Variants in COL25A1 observed in about 807,000 individuals in gnomAD.
COL25A1 encodes collagen alpha-1(XXV) chain.
COL25A1 carries 103 observed loss-of-function variants against 128.4 expected under a neutral mutation model. That is an observed-to-expected ratio of 0.80 (90% CI 0.68 to 0.94). The LOEUF (loss-of-function observed/expected upper bound fraction) is 0.94, where lower values mean the gene tolerates loss of function less well. COL25A1 is among the 40% of genes least tolerant of loss of function. The probability of loss-of-function intolerance (pLI) is 0.00; values close to 1 mark genes in which losing one functional copy is unlikely to be tolerated. For synonymous variants in COL25A1, 279 were observed against 277.2 expected (o/e 1.01, Z -0.06); for missense variants, 745 against 840.0 (o/e 0.89, Z 1.40).
intron 19 of COL25A1, among the ~76,000 whole-genome samples, chr4:108,881,081 G>C (rs1160192957): frequency 2.0e-5 from 3 of 152,144 alleles, no homozygotes; most frequent in Non-Finnish European, 4.4e-5. Flanking sequence ...GCACGAAATA[G>C]GAATTCCAAA....
chr4:109,000,917 C>G (rs1008472744), intron 6 of COL25A1, among the ~76,000 whole-genome samples: 1 of 151,460 alleles, frequency 6.6e-6, no homozygotes, highest in Non-Finnish European at 1.5e-5. Flanking sequence ...CTGAGTGTGT[C>G]TAAGGATTCG....
chr4:108,899,015 C>CTATA, intron 15 of COL25A1, 139 bp downstream of exon 15: 1 of 641,302 alleles, frequency 1.6e-6, no homozygotes, highest in African/African-American at 1.8e-5. Context: ...ATCTATATAC[C>CTATA]TACCTACCTA....
intron 5 of COL25A1, among the ~76,000 whole-genome samples, chr4:109,032,938 C>T (rs1267174598): frequency 6.6e-6 from 1 of 152,038 alleles, no homozygotes; most frequent in Non-Finnish European, 1.5e-5. Flanking sequence ...GACTAGCCAT[C>T]CCTGAAATTG....
chr4:108,911,936 T>C (rs1744277976), intron 13 of COL25A1, among the ~76,000 whole-genome samples: 1 of 151,810 alleles, frequency 6.6e-6, no homozygotes, highest in Non-Finnish European at 1.5e-5. Context: ...CAATAATAAC[T>C]GGTATCAAAC....
At chr4:109,210,715 G>A (rs1578447870) in intron 3 of COL25A1, among the ~76,000 whole-genome samples, 2 of 151,982 alleles carry the variant, frequency 1.3e-5, no homozygotes, top group South Asian at 2.1e-4. Context: ...AGTCTCCTGC[G>A]ATAATTAAGT....
At chr4:109,023,883 C>T (rs1278743844) in intron 5 of COL25A1, among the ~76,000 whole-genome samples, 1 of 152,162 alleles carries the variant, frequency 6.6e-6, no homozygotes, top group Non-Finnish European at 1.5e-5. Context: ...TCGCTATTCT[C>T]AAGCCTCTCA....
chr4:108,974,244 AT>A, intron 8 of COL25A1, 122 bp downstream of exon 8: 1 of 951,466 alleles, frequency 1.1e-6, no homozygotes. Context: ...GTGGTATGGT[AT>A]TTTTGCCAGC....
chr4:108,830,865 C>T (rs1733012567), intron 32 of COL25A1, among the ~76,000 whole-genome samples: 2 of 152,256 alleles, frequency 1.3e-5, no homozygotes, highest in Non-Finnish European at 2.9e-5. Flanking sequence ...TCATACAATG[C>T]TTGAAAGCCA....
intron 35 of COL25A1, chr4:108,823,885 C>T: frequency 3.0e-6 from 4 of 1,350,496 alleles, no homozygotes; most frequent in Admixed American, 3.7e-5. Flanking sequence ...ATTTTTTTTT[C>T]AAAAATCCTT....
At chr4:108,886,492 G>GTGTTTTTTTTTTTT (rs58157157) in intron 18 of COL25A1, among the ~76,000 whole-genome samples, 2 of 109,248 alleles carry the variant, frequency 1.8e-5, no homozygotes, top group African/African-American at 8.0e-5. Context: ...GTGTGTGTGT[G>GTGTTTTTTTTTTTT]TTTAGCTCAT....
chr4:109,286,763 G>GA (rs1723930616), intron 3 of COL25A1, among the ~76,000 whole-genome samples: 1 of 152,168 alleles, frequency 6.6e-6, no homozygotes, highest in Non-Finnish European at 1.5e-5. Context: ...TGGGAAGGTT[G>GA]AAAATCTATA....
At chr4:108,834,793 G>T (rs990022351) in intron 31 of COL25A1, among the ~76,000 whole-genome samples, 11 of 152,086 alleles carry the variant, frequency 7.2e-5, no homozygotes, top group Admixed American at 3.3e-4. Flanking sequence ...TCCTAAAAAA[G>T]CGCTCATTAT....
chr4:109,109,424 G>A lies in COL25A1; in HGVS notation c.368-59245C>T, dbSNP rs577926156. Among the ~76,000 whole-genome samples, 8 of 152,184 alleles carry A rather than the reference G, an allele frequency of 5.3e-5. 1 individual carries two copies. The South Asian group carries it at 1.7e-3, about 32-fold the overall frequency. On this transcript the variant is annotated intron_variant, in intron 3 of 37. Transcript: ENST00000399132. ...ATCTTTGTATTTTTAGTACAGATGG[G>A]TTTTTGCCATGTTGGCCAGGTTGGT...
At position 108,903,641 on chromosome 4, in the gene COL25A1, T is replaced by A. The variant is rs571372623; in HGVS notation, c.781-2469A>T. On this transcript the variant is annotated intron_variant, in intron 13 of 37. Transcript: ENST00000399132. The stretch of plus-strand genomic sequence containing the variant: ...TGTTTTATTAGTCAATGGAAACATT[T>A]TATGGCACTAACTGCATATTTCTAA... 3.9e-5 allele frequency among the ~76,000 whole-genome samples: 6 copies of A among 152,210 alleles called. No individual in the cohort carries two copies. The East Asian group carries it at 7.7e-4, about 20-fold the overall frequency.
At chr4:108,911,145 G>A (rs930956189) in intron 13 of COL25A1, among the ~76,000 whole-genome samples, 1 of 152,080 alleles carries the variant, frequency 6.6e-6, no homozygotes, top group African/African-American at 2.4e-5. Context: ...ATATCTTACT[G>A]GTCAGAAATT....
At chr4:109,104,161 C>T (rs918341865) in intron 3 of COL25A1, among the ~76,000 whole-genome samples, 4 of 151,934 alleles carry the variant, frequency 2.6e-5, no homozygotes, top group Non-Finnish European at 5.9e-5. Context: ...TCACTTGAGG[C>T]CAGGAGTCTG....
intron 5 of COL25A1, among the ~76,000 whole-genome samples, chr4:109,041,860 C>T (rs1759931321): frequency 6.6e-6 from 1 of 152,074 alleles, no homozygotes; most frequent in South Asian, 2.1e-4. Flanking sequence ...GTCTGGGCTC[C>T]TGCAAGGAGC....
chr4:109,047,227 A>C (rs2125936871), intron 5 of COL25A1, among the ~76,000 whole-genome samples: 1 of 152,316 alleles, frequency 6.6e-6, no homozygotes, highest in Non-Finnish European at 1.5e-5. Context: ...TTTCAGATAC[A>C]AGTTTAAACA....
intron 37 of COL25A1, among the ~76,000 whole-genome samples, chr4:108,814,397 C>A (rs1216888418): frequency 1.3e-5 from 2 of 152,158 alleles, no homozygotes; most frequent in Admixed American, 1.3e-4. Context: ...GACTCTAATC[C>A]TCTATCTTCA....
Sources: gnomAD v4.1 joint callset for allele counts (sites outside exome capture counted in the v4.1 genomes callset) on GRCh38, gnomAD v4.1.1 for gene constraint, MANE v1.5 for transcripts, NCBI Gene and HGNC (gene_info 2026-07-23, HGNC 2026-07-21) for gene names.